The following CFAP52 variants were observed in gnomAD, a reference collection of about 807,000 sequenced individuals.
CFAP52 encodes cilia- and flagella-associated protein 52.
Under a neutral mutation model 70.5 loss-of-function variants are expected in CFAP52, and 57 were observed. The observed-to-expected ratio is 0.81, with a 90% CI of 0.65 to 1.01. CFAP52 has a LOEUF of 1.01. Among genes scored for constraint, CFAP52 ranks in the 50% least tolerant of loss-of-function variants. CFAP52 has a pLI of 0.00. For synonymous variants in CFAP52, 267 were observed against 292.5 expected (o/e 0.91, Z 0.89); for missense variants, 785 against 788.5 (o/e 1.00, Z 0.05).
chr17:9,612,481 T>C lies in CFAP52; in HGVS notation c.1025+2T>C. On this transcript the variant is annotated splice_donor_variant, in intron 8 of 13. Transcript: ENST00000352665. LOFTEE classifies it high-confidence loss of function. ...TGTCGAGGATATTGTCTTTCCATTG[T>C]GAGTAGAAGAGAAAAACAAGAATGT... 6.2e-7 allele frequency: 1 copy of C among 1,611,746 alleles called. No individual in the cohort carries two copies. The highest frequency in any genetic ancestry group is 8.5e-7 in the Non-Finnish European group (1 of 1,178,592).
intron 9 of CFAP52, among the ~76,000 whole-genome samples, chr17:9,629,841 C>T (rs1910395057): frequency 6.6e-6 from 1 of 152,026 alleles, no homozygotes; most frequent in Admixed American, 6.6e-5. Context: ...CCACCCGCCT[C>T]GGCCTCCCAA....
At chr17:9,588,846 C>G (rs1453665983) in intron 3 of CFAP52, among the ~76,000 whole-genome samples, 1 of 151,050 alleles carries the variant, frequency 6.6e-6, no homozygotes, top group Non-Finnish European at 1.5e-5. Context: ...TCTCGGCTCA[C>G]TGCAATCTCC....
At chr17:9,616,315 A>C (rs1397109256) in intron 8 of CFAP52, among the ~76,000 whole-genome samples, 3 of 127,424 alleles carry the variant, frequency 2.4e-5, no homozygotes, top group East Asian at 4.6e-4. Context: ...GCGCACCACG[A>C]GACTATATCC....
intron 8 of CFAP52, among the ~76,000 whole-genome samples, chr17:9,627,655 C>T (rs530179660): frequency 6.6e-6 from 1 of 152,280 alleles, no homozygotes; most frequent in Non-Finnish European, 1.5e-5. Context: ...AGGTAATATA[C>T]ATTAAATATG....
intron 9 of CFAP52, among the ~76,000 whole-genome samples, chr17:9,632,288 T>C (rs934170046): frequency 9.3e-5 from 14 of 149,980 alleles, no homozygotes; most frequent in Non-Finnish European, 1.3e-4. Context: ...AGAGACTGGG[T>C]CTTGCCATGT....
chr17:9,634,807 A>G (rs1900403088), intron 10 of CFAP52, among the ~76,000 whole-genome samples: 1 of 152,212 alleles, frequency 6.6e-6, no homozygotes, highest in Non-Finnish European at 1.5e-5. Context: ...CTTCCCTTTT[A>G]TCTATCCTTT....
At chr17:9,587,585 T>A (rs1195571151) in intron 3 of CFAP52, among the ~76,000 whole-genome samples, 1 of 152,236 alleles carries the variant, frequency 6.6e-6, no homozygotes, top group East Asian at 1.9e-4. Context: ...GGTGGTTATC[T>A]CATTGTGGTT....
intron 5 of CFAP52, among the ~76,000 whole-genome samples, chr17:9,598,834 A>G (rs1909142350): frequency 6.6e-6 from 1 of 151,814 alleles, no homozygotes; most frequent in African/African-American, 2.4e-5. Flanking sequence ...AGTCACCTAG[A>G]CACAGCACAG....
rs1281341925 is a variant in CFAP52 at position 9,635,316 on chromosome 17, T to C, written c.1321-89T>C. 1.7e-5 allele frequency: 26 copies of C among 1,556,080 alleles called. 1 individual carries two copies. The East Asian group carries it at 3.4e-4, about 20-fold the overall frequency. ...GAATTAAAAAAACACAAATCAAGCA[T>C]AGCAAAGGGGAAAAAGCTCTTGGAA... is the stretch of plus-strand genomic sequence containing the variant. On this transcript the variant is annotated intron_variant, in intron 10 of 13. Coordinates refer to ENST00000352665, the MANE Select transcript of CFAP52 (RefSeq NM_145054.5).
chr17:9,594,526 G>T, intron 4 of CFAP52: 1 of 550,042 alleles, frequency 1.8e-6, no homozygotes. Context: ...TGTGATTGCT[G>T]CTGAAAAGAT....
intron 3 of CFAP52, among the ~76,000 whole-genome samples, chr17:9,591,030 C>T (rs1456530401): frequency 5.1e-4 from 39 of 76,768 alleles, no homozygotes; most frequent in Middle Eastern, 0.015. Context: ...TTGCATGCAT[C>T]TTTTTTTTTT....
intron 8 of CFAP52, among the ~76,000 whole-genome samples, chr17:9,622,904 T>C (rs1910103201): frequency 1.3e-5 from 2 of 152,162 alleles, no homozygotes. Flanking sequence ...CTTTTGAACT[T>C]TATGTAAATA....
chr17:9,611,198 C>G (rs1179286146), intron 7 of CFAP52, among the ~76,000 whole-genome samples: 1 of 152,052 alleles, frequency 6.6e-6, no homozygotes, highest in Non-Finnish European at 1.5e-5. Context: ...CTAAACTAAA[C>G]TAGTTACAGA....
chr17:9,596,057 GTGTATA>G (rs1349956293), intron 4 of CFAP52, among the ~76,000 whole-genome samples: 2,325 of 103,140 alleles, frequency 0.023, 33 homozygotes, highest in Middle Eastern at 0.048. Flanking sequence ...ATATATGTGT[GTGTATA>G]TATATATATA....
chr17:9,584,272 A>G (rs1271078869), intron 1 of CFAP52: 8 of 1,282,412 alleles, frequency 6.2e-6, no homozygotes, highest in African/African-American at 1.5e-5. Context: ...TTTCTCTAAC[A>G]TGGAAGCAGT....
chr17:9,584,299 A>C, intron 1 of CFAP52: 1 of 1,288,790 alleles, frequency 7.8e-7, no homozygotes, highest in Non-Finnish European at 1.0e-6. Flanking sequence ...ACCTTGGCAG[A>C]TATTTGGAGT....
chr17:9,579,976 G>T (rs1400541358), intron 1 of CFAP52, among the ~76,000 whole-genome samples: 1 of 152,166 alleles, frequency 6.6e-6, no homozygotes, highest in African/African-American at 2.4e-5. Flanking sequence ...ATATACTTGT[G>T]TTAAAAACAT....
intron 1 of CFAP52, among the ~76,000 whole-genome samples, chr17:9,581,499 TA>T (rs1908224852): frequency 6.6e-6 from 1 of 151,442 alleles, no homozygotes; most frequent in Admixed American, 6.6e-5. Flanking sequence ...TATTACAGTT[TA>T]AAGTGTACAT....
intron 8 of CFAP52, among the ~76,000 whole-genome samples, chr17:9,623,111 C>G (rs1018052334): frequency 1.3e-5 from 2 of 152,064 alleles, no homozygotes; most frequent in African/African-American, 4.8e-5. Context: ...TTTTGCATAT[C>G]TTAAAGCTCT....
Sources: gnomAD v4.1 joint callset for allele counts (sites outside exome capture counted in the v4.1 genomes callset) on GRCh38, gnomAD v4.1.1 for gene constraint, MANE v1.5 for transcripts, NCBI Gene and HGNC (gene_info 2026-07-23, HGNC 2026-07-21) for gene names.